RSPO2: variants seen among roughly 807,000 people sequenced by gnomAD.
RSPO2 encodes R-spondin 2, also known as R-spondin-2.
In RSPO2, 14 loss-of-function variants were observed where a neutral mutation model predicts 30.9. The observed-to-expected ratio is 0.45, with a 90% CI of 0.30 to 0.71. The LOEUF (loss-of-function observed/expected upper bound fraction) is 0.71, where lower values mean the gene tolerates loss of function less well. Ranked by LOEUF, RSPO2 falls within the 30% of genes least tolerant of loss-of-function variation. RSPO2 has a pLI of 0.08. For missense variants in RSPO2, 264 were observed against 301.9 expected (o/e 0.87, Z 0.93); for synonymous variants, 107 against 96.4 (o/e 1.11, Z -0.64).
intron 2 of RSPO2, among the ~76,000 whole-genome samples, chr8:108,003,986 T>C (rs1309677938): frequency 6.6e-6 from 1 of 152,226 alleles, no homozygotes. Context: ...CATACCCTCA[T>C]AATTCGTTCG....
intron 2 of RSPO2, among the ~76,000 whole-genome samples, chr8:108,015,614 A>C (rs1810866727): frequency 6.6e-6 from 1 of 152,056 alleles, no homozygotes; most frequent in Non-Finnish European, 1.5e-5. Context: ...ATATCTGATC[A>C]AATGCCTCAC....
intron 2 of RSPO2, among the ~76,000 whole-genome samples, chr8:108,072,581 G>T (rs183915742): frequency 3.4e-5 from 5 of 147,416 alleles, no homozygotes; most frequent in Non-Finnish European, 7.4e-5. Flanking sequence ...CTCGTGATCC[G>T]CCCGCCTCGG....
rs901357981 is a variant in RSPO2, at chr8:107,901,016, G to C, written c.*59C>G. 43 of 1,579,272 alleles carry C rather than the reference G, an allele frequency of 2.7e-5. No individual in the cohort carries two copies. In the African/African-American group the frequency reaches 5.0e-4, roughly 18 times the overall value. On this transcript the variant is annotated 3_prime_UTR_variant, in exon 6 of 6. Transcript: ENST00000276659. The stretch of plus-strand genomic sequence containing the variant: ...GCACACCAGTGTGCAGGAGTGGAGA[G>C]TAGCTTTGTGCACATTTGCAAAAAC...
intron 3 of RSPO2, among the ~76,000 whole-genome samples, chr8:107,970,401 T>C (rs1189168171): frequency 2.0e-5 from 3 of 152,208 alleles, no homozygotes; most frequent in Non-Finnish European, 4.4e-5. Flanking sequence ...GGTCATAGTT[T>C]GCTGACCCCT....
chr8:108,012,973 A>G (rs958062634), intron 2 of RSPO2, among the ~76,000 whole-genome samples: 1 of 152,170 alleles, frequency 6.6e-6, no homozygotes, highest in African/African-American at 2.4e-5. Context: ...TCAGGCTCCC[A>G]ATTCTTCCTG....
At position 107,900,285 on chromosome 8, in the gene RSPO2, A is replaced by G. The variant is rs936523035; in HGVS notation, c.*790T>C. 5 of 152,126 alleles carry G rather than the reference A, an allele frequency of 3.3e-5. No individual in the cohort carries two copies. The highest frequency in any genetic ancestry group is 4.8e-5 in the African/African-American group (2 of 41,406). 9.4% of individuals were successfully genotyped at this position (152,126 alleles called of 1,614,324 possible). On this transcript the variant is annotated 3_prime_UTR_variant, in exon 6 of 6. Transcript: ENST00000276659. The stretch of plus-strand genomic sequence containing the variant: ...TTTGACACTGGTCATTTGACTCTAT[A>G]TACAAAAACTAGTTTATCCTACCCT...
chr8:107,948,961 C>G (rs563637922), intron 5 of RSPO2, among the ~76,000 whole-genome samples: 22 of 143,932 alleles, frequency 1.5e-4, no homozygotes, highest in East Asian at 2.1e-4. Context: ...AATAGGTCTG[C>G]ACCTTTTTTT....
rs1279889732 is a variant in RSPO2 at position 108,059,649 on chromosome 8, A to G, written c.94+22896T>C. On this transcript the variant is annotated intron_variant, in intron 2 of 5. Coordinates refer to ENST00000276659, the MANE Select transcript of RSPO2 (RefSeq NM_178565.5). The stretch of plus-strand genomic sequence containing the variant: ...TGGATTAAGAAAATGTGGCACATAT[A>G]CACCATGGAATACTATGCAGCCATA... 3.4e-5 allele frequency among the ~76,000 whole-genome samples: 5 copies of G among 147,958 alleles called. No homozygotes were observed. The South Asian group carries it at 1.1e-3, about 32-fold the overall frequency.
At chr8:107,961,268 T>A (rs1038886968) in intron 3 of RSPO2, among the ~76,000 whole-genome samples, 25 of 152,166 alleles carry the variant, frequency 1.6e-4, no homozygotes, top group African/African-American at 6.0e-4. Context: ...ATGCATGGTC[T>A]ATTTTACAGG....
rs1811890829 is a variant in RSPO2 at position 107,913,675 on chromosome 8, TTGTC to T, written c.617-12489_617-12486del. ...TGGATTATCTTGATACTAAATATCTTTGTCTATAACTACCAAATATTAAAACACG... is the reference window on the plus strand; with the variant it reads ...TGGATTATCTTGATACTAAATATCTTTATAACTACCAAATATTAAAACACG... On this transcript the variant is annotated intron_variant, in intron 5 of 5. Transcript: ENST00000276659. Among the ~76,000 whole-genome samples the T allele has an allele frequency of 2.0e-5, 3 of 152,296 alleles. No homozygotes were observed. In the South Asian group the frequency reaches 6.2e-4, roughly 32 times the overall value.
chr8:107,924,143 A>G (rs1812277413), intron 5 of RSPO2, among the ~76,000 whole-genome samples: 1 of 152,078 alleles, frequency 6.6e-6, no homozygotes, highest in South Asian at 2.1e-4. Flanking sequence ...ACTTTAAGAC[A>G]TATAAAAACT....
intron 5 of RSPO2, among the ~76,000 whole-genome samples, chr8:107,914,869 A>G (rs1360838576): frequency 1.3e-5 from 2 of 152,154 alleles, no homozygotes; most frequent in Admixed American, 6.6e-5. Context: ...AAAAAAAATT[A>G]AATTCCAGTA....
At chr8:107,996,380 G>C (rs1351264029) in intron 2 of RSPO2, among the ~76,000 whole-genome samples, 1 of 152,164 alleles carries the variant, frequency 6.6e-6, no homozygotes, top group African/African-American at 2.4e-5. Context: ...AAGGGTTGCT[G>C]GCTGAAGCTA....
At chr8:107,932,503 T>G in intron 5 of RSPO2, among the ~76,000 whole-genome samples, 1 of 151,796 alleles carries the variant, frequency 6.6e-6, no homozygotes, top group African/African-American at 2.4e-5. Context: ...GGCGCTGGAG[T>G]AATAACGACA....
chr8:107,907,458 C>A (rs558790911), intron 5 of RSPO2, among the ~76,000 whole-genome samples: 1 of 151,996 alleles, frequency 6.6e-6, no homozygotes, highest in African/African-American at 2.4e-5. Flanking sequence ...AAAATAATAA[C>A]AAGCCACCTG....
intron 2 of RSPO2, among the ~76,000 whole-genome samples, chr8:108,039,505 C>T (rs998539354): frequency 4.6e-5 from 7 of 152,030 alleles, no homozygotes; most frequent in South Asian, 4.1e-4. Context: ...GGCAATCTGG[C>T]TTTAGTGCTT....
chr8:107,932,813 A>G (rs1812591363), intron 5 of RSPO2, among the ~76,000 whole-genome samples: 1 of 152,158 alleles, frequency 6.6e-6, no homozygotes, highest in Non-Finnish European at 1.5e-5. Context: ...AGAGAGAGAG[A>G]GAGCAAGGTA....
chr8:107,968,141 T>G (rs1201478559), intron 3 of RSPO2, among the ~76,000 whole-genome samples: 1 of 152,162 alleles, frequency 6.6e-6, no homozygotes, highest in Non-Finnish European at 1.5e-5. Context: ...ATATCTTCAC[T>G]TTCATGTTTA....
chr8:107,982,393 G>A (rs1185315443), intron 3 of RSPO2, among the ~76,000 whole-genome samples: 3 of 152,142 alleles, frequency 2.0e-5, no homozygotes, highest in African/African-American at 7.2e-5. Flanking sequence ...ATAAATTGCT[G>A]AATAAATGTT....
Sources: allele counts gnomAD v4.1 joint callset (sites outside exome capture counted in the v4.1 genomes callset), GRCh38; gene constraint gnomAD v4.1.1; transcripts MANE v1.5; gene names NCBI Gene and HGNC (gene_info 2026-07-23, HGNC 2026-07-21).